The following USP47 variants were observed in gnomAD, a reference collection of about 807,000 sequenced individuals.
The protein encoded by USP47 is ubiquitin specific peptidase 47, also known as ubiquitin carboxyl-terminal hydrolase 47.
USP47 carries 35 observed loss-of-function variants against 165.1 expected under a neutral mutation model. The ratio of observed to expected loss-of-function variants is 0.21; its 90% CI spans 0.16 to 0.28. The LOEUF (loss-of-function observed/expected upper bound fraction) is 0.28, where lower values mean the gene tolerates loss of function less well. Among genes scored for constraint, USP47 ranks in the 10% least tolerant of loss-of-function variants. The pLI is 1.00. For missense variants in USP47, 1,277 were observed against 1,607.4 expected (o/e 0.79, Z 3.52); for synonymous variants, 531 against 544.5 (o/e 0.98, Z 0.35).
rs908625649 is a variant in USP47 at position 11,954,221 on chromosome 11, G to C, written c.3715-676G>C. Among the ~76,000 whole-genome samples, 12 of 152,228 alleles carry C rather than the reference G, an allele frequency of 7.9e-5. No individual in the cohort carries two copies. In the South Asian group the frequency reaches 2.5e-3, roughly 32 times the overall value. ...ACCAAGATTGCACCACTGCACTCCA[G>C]TCTAGGTGATGGAGTGAGACTCTGT... On this transcript the variant is annotated intron_variant, in intron 25 of 27. Coordinates refer to ENST00000527733, the MANE Select transcript of USP47 (RefSeq NM_001282659.2).
chr11:11,893,698 GT>G (rs1205521262), intron 4 of USP47, among the ~76,000 whole-genome samples: 2 of 151,890 alleles, frequency 1.3e-5, no homozygotes, highest in East Asian at 3.9e-4. Context: ...GAATACAGGT[GT>G]GCATCACAAC....
chr11:11,883,948 T>C (rs566646448), intron 2 of USP47, among the ~76,000 whole-genome samples: 35 of 152,356 alleles, frequency 2.3e-4, no homozygotes, highest in Non-Finnish European at 2.5e-4. Flanking sequence ...GGCTATATTA[T>C]ATACTACATT....
At chr11:11,851,404 G>A (rs1848719520) in intron 1 of USP47, among the ~76,000 whole-genome samples, 1 of 152,132 alleles carries the variant, frequency 6.6e-6, no homozygotes, top group Non-Finnish European at 1.5e-5. Flanking sequence ...TTCTAGTTTG[G>A]ACTCCACTCT....
chr11:11,912,811 T>C (rs1853099055), intron 8 of USP47, among the ~76,000 whole-genome samples: 1 of 152,136 alleles, frequency 6.6e-6, no homozygotes, highest in Non-Finnish European at 1.5e-5. Flanking sequence ...AAGAATTATA[T>C]ATTGTGACTA....
chr11:11,854,289 A>C (rs4288751), intron 1 of USP47, among the ~76,000 whole-genome samples: 96,538 of 146,044 alleles, frequency 0.66, 35,672 homozygotes, highest in African/African-American at 0.74. Flanking sequence ...TTGTTATTTC[A>C]GTTAATACCT....
intron 8 of USP47, among the ~76,000 whole-genome samples, chr11:11,917,078 G>C (rs1481716551): frequency 1.3e-5 from 2 of 152,120 alleles, no homozygotes; most frequent in Non-Finnish European, 2.9e-5. Context: ...GCTTGAGCCA[G>C]GGATTTCAAA....
chr11:11,892,387 T>C lies in USP47; in HGVS notation c.496+281T>C, dbSNP rs1022601687. 2.1e-5 allele frequency among the ~76,000 whole-genome samples: 3 copies of C among 146,324 alleles called. 1 individual carries two copies. Among genetic ancestry groups the C allele is most frequent in the Non-Finnish European group, 1.5e-5 (1 of 66,564 alleles). On this transcript the variant is annotated intron_variant, in intron 4 of 27. Transcript: ENST00000527733. ...TCTTTTCTTTTTAATTTTCTTTTTT[T>C]TTTTTTTTTTTTGAGACAGAGTCTT...
chr11:11,853,167 A>T (rs1036709647), intron 1 of USP47, among the ~76,000 whole-genome samples: 3 of 152,172 alleles, frequency 2.0e-5, no homozygotes, highest in Non-Finnish European at 4.4e-5. Context: ...TGATAGCCCA[A>T]GTTAGAAAGA....
In USP47 at chr11:11,956,320, G is replaced by A. The variant is rs879250271; in HGVS notation, c.*145G>A. ...TTGGACTGCCCTACACCAATCAGAA[G>A]CTCAGTGCCCAATGGGCCACTGTTT... On this transcript the variant is annotated 3_prime_UTR_variant, in exon 28 of 28. Transcript: ENST00000527733. The A allele has an allele frequency of 6.7e-5, 47 of 700,998 alleles. 1 individual carries two copies. The South Asian group carries it at 1.1e-3, about 16-fold the overall frequency. 43.4% of individuals were successfully genotyped at this position (700,998 alleles called of 1,614,324 possible).
Position 11,958,732 on chromosome 11 carries a change from T to A in USP47, c.*2557T>A, listed in dbSNP as rs75816612. 0.019 allele frequency: 2,846 copies of A among 152,380 alleles called. 66 individuals carry two copies. The highest frequency in any genetic ancestry group is 0.055 in the African/African-American group (2,270 of 41,572). The allele number at this position is 152,380 out of a possible 1,614,324, so 9.4% of individuals were successfully genotyped here. A position where few individuals can be genotyped will look rare whatever the true frequency, so the allele number is the denominator to read the frequency against. On this transcript the variant is annotated 3_prime_UTR_variant, in exon 28 of 28. Coordinates refer to ENST00000527733, the MANE Select transcript of USP47 (RefSeq NM_001282659.2). ...CGGGCACTCAAGGTGAGGGGTGCATTCTGGCCAAAGAAACAAAAGCTGTGG... is the reference window on the plus strand; with the variant it reads ...CGGGCACTCAAGGTGAGGGGTGCATACTGGCCAAAGAAACAAAAGCTGTGG...
In USP47 at chr11:11,912,245, A is replaced by G. The variant is rs192873514; in HGVS notation, c.969+6697A>G. 6.1e-3 allele frequency among the ~76,000 whole-genome samples: 925 copies of G among 152,126 alleles called. 6 individuals are homozygous for G. Among genetic ancestry groups the G allele is most frequent in the Non-Finnish European group, 7.3e-3 (493 of 67,972 alleles). On this transcript the variant is annotated intron_variant, in intron 8 of 27. Transcript: ENST00000527733. The stretch of plus-strand genomic sequence containing the variant: ...AGCCGAGAAATCAGTAACATTGAAC[A>G]TGAGAAAACAGTAGAGGAAGTCAAC...
chr11:11,884,721 T>G, intron 3 of USP47, 141 bp downstream of exon 3: 3 of 611,358 alleles, frequency 4.9e-6, no homozygotes, highest in South Asian at 4.5e-5. Flanking sequence ...TGTTGGTTTG[T>G]TATAAGTGTG....
chr11:11,930,386 C>G (rs72857628), intron 13 of USP47, among the ~76,000 whole-genome samples: 19,509 of 152,096 alleles, frequency 0.13, 1,603 homozygotes, highest in Middle Eastern at 0.38. Context: ...GTGATTTTTA[C>G]TATTTGGTCC....
intron 22 of USP47, chr11:11,948,788 A>G (rs576956925): frequency 2.0e-4 from 77 of 375,766 alleles, no homozygotes; most frequent in African/African-American, 1.5e-3. Context: ...ATGTCTCAAC[A>G]TTTTATTTAC....
At chr11:11,857,394 A>T (rs1242192414) in intron 1 of USP47, among the ~76,000 whole-genome samples, 1 of 152,190 alleles carries the variant, frequency 6.6e-6, no homozygotes, top group Non-Finnish European at 1.5e-5. Flanking sequence ...ACAACTTATT[A>T]AAATATATCT....
At chr11:11,929,850 A>G (rs1854519720) in intron 12 of USP47, among the ~76,000 whole-genome samples, 194 bp from the exon 13 acceptor site, 1 of 152,142 alleles carries the variant, frequency 6.6e-6, no homozygotes, top group African/African-American at 2.4e-5. Flanking sequence ...TTCACGTGTG[A>G]TTAGGAATAC....
chr11:11,850,404 C>T (rs1389992754), intron 1 of USP47, among the ~76,000 whole-genome samples: 4 of 57,162 alleles, frequency 7.0e-5, no homozygotes, highest in African/African-American at 4.1e-4. Context: ...GTTTCCATTC[C>T]TTTTTTTGAA....
intron 7 of USP47, among the ~76,000 whole-genome samples, chr11:11,903,612 C>G (rs1040919762): frequency 2.0e-4 from 31 of 152,014 alleles, no homozygotes; most frequent in African/African-American, 7.5e-4. Context: ...GAAAATTATA[C>G]ATTTAAAAAC....
At position 11,960,366 on chromosome 11, in the gene USP47, G is replaced by T. The variant is rs915513642; in HGVS notation, c.*4191G>T. 6.6e-6 allele frequency among the ~76,000 whole-genome samples: 1 copy of T among 152,122 alleles called. No individual in the cohort carries two copies. Among genetic ancestry groups the T allele is most frequent in the Non-Finnish European group, 1.5e-5 (1 of 68,016 alleles). The stretch of plus-strand genomic sequence containing the variant: ...AGACATGAAGGTAGATGCCCTGCAG[G>T]TCCTATCAGCAAAGGACCCAACTCC... On this transcript the variant is annotated 3_prime_UTR_variant, in exon 28 of 28. Transcript: ENST00000527733.
Sources: gnomAD v4.1 joint callset for allele counts (sites outside exome capture counted in the v4.1 genomes callset) on GRCh38, gnomAD v4.1.1 for gene constraint, MANE v1.5 for transcripts, NCBI Gene and HGNC (gene_info 2026-07-23, HGNC 2026-07-21) for gene names.